Variants in KCNG1 observed in about 807,000 individuals in gnomAD.
KCNG1 encodes potassium voltage-gated channel modifier subfamily G member 1, also known as voltage-gated potassium channel regulatory subunit KCNG1.
In KCNG1, 17 loss-of-function variants were observed where a neutral mutation model predicts 32.4. The ratio of observed to expected loss-of-function variants is 0.52; its 90% CI spans 0.36 to 0.79. KCNG1 has a LOEUF of 0.79. KCNG1 is among the 30% of genes least tolerant of loss of function. The pLI is 0.00. For missense variants in KCNG1, 441 were observed against 735.2 expected, an observed-to-expected ratio of 0.60 and a Z score of 4.63; for synonymous variants, 358 against 339.9, an observed-to-expected ratio of 1.05 and a Z score of -0.59.
chr20:51,015,466 C>A lies in KCNG1; in HGVS notation c.-26-5102G>T, dbSNP rs7265842. ...TGCTGAGCTGATGGGTGTGTGTTTG[C>A]GGGGGGTGAGGGTGTCACCTGGCAG... is the stretch of plus-strand genomic sequence containing the variant. On this transcript the variant is annotated intron_variant, in intron 1 of 2. Transcript: ENST00000371571. The surrounding 1 kb of genome is among the most constrained non-coding windows in gnomAD (Gnocchi z 4.4). Among the ~76,000 whole-genome samples, 9,932 of 151,966 alleles carry A rather than the reference C, an allele frequency of 0.065. 619 individuals carry two copies. The highest frequency in any genetic ancestry group is 0.16 in the African/African-American group (6,744 of 41,402).
At chr20:51,021,295 C>T (rs1442536220) in intron 1 of KCNG1, among the ~76,000 whole-genome samples, 2 of 152,180 alleles carry the variant, frequency 1.3e-5, no homozygotes, top group Non-Finnish European at 2.9e-5. Context: ...ACACACCTTC[C>T]CTCCTTCCCC....
At chr20:51,011,697 C>T (rs910364022) in intron 1 of KCNG1, among the ~76,000 whole-genome samples, 2 of 152,158 alleles carry the variant, frequency 1.3e-5, no homozygotes, top group African/African-American at 2.4e-5. Flanking sequence ...GGTACAGCCA[C>T]GTGATTTGAT....
At chr20:51,021,653 G>C (rs1344263033) in intron 1 of KCNG1, among the ~76,000 whole-genome samples, 1 of 152,146 alleles carries the variant, frequency 6.6e-6, no homozygotes, top group Non-Finnish European at 1.5e-5. Flanking sequence ...GTCAGCAAAG[G>C]GGGTGGGGGC....
rs574008123 is a variant in KCNG1 at position 51,019,828 on chromosome 20, G to A, written c.-27+3042C>T. On this transcript the variant is annotated intron_variant, in intron 1 of 2. Transcript: ENST00000371571. ...GGGCTTCTGGCCGAGCCGACTCAGA[G>A]GCGGGTCAGGCTGCATTAATCCCCA... Among the ~76,000 whole-genome samples, 3 of 152,342 alleles carry A rather than the reference G, an allele frequency of 2.0e-5. No homozygotes were observed. The East Asian group carries it at 5.8e-4, about 29-fold the overall frequency.
chr20:51,012,475 C>CT (rs1297850754), intron 1 of KCNG1: 3 of 152,210 alleles, frequency 2.0e-5, no homozygotes, highest in African/African-American at 7.2e-5. Flanking sequence ...ACTGTAAAGC[C>CT]TCAAAGAGGT....
Position 51,009,774 on chromosome 20 carries a change from G to C in KCNG1, c.565C>G (p.Leu189Val). Residue 189 changes from leucine to valine, a missense_variant, in exon 2 of 3, where the codon CTG becomes GTG. Physicochemically the swap from Leu to Val is conservative, Grantham distance 32 (BLOSUM62 1). Coordinates refer to ENST00000371571, the MANE Select transcript of KCNG1 (RefSeq NM_002237.4). ...MVEREEEDDA[L>V]DSEGRDSEGP... ...TCGCTGTCGCGGCCCTCGCTGTCCA[G>C]CGCGTCGTCCTCTTCCTCCCGCTCC... The C allele has an allele frequency of 6.2e-7, 1 of 1,611,016 alleles. No individual in the cohort carries two copies. Among genetic ancestry groups the C allele is most frequent in the African/African-American group, 1.3e-5 (1 of 75,050 alleles).
intron 1 of KCNG1, among the ~76,000 whole-genome samples, chr20:51,014,879 GGACCTGGCAGAGGGAGTGGCAA>G (rs1238122343): frequency 1.6e-4 from 24 of 152,342 alleles, no homozygotes; most frequent in African/African-American, 5.8e-4. Flanking sequence ...AGCCCCGTGA[GGACCTGGCAGAGGGAGTGGCAA>G]GAATTTGCTC....
Position 51,010,030 on chromosome 20 carries a change from G to A in KCNG1, c.309C>T (p.Asn103=), listed in dbSNP as rs2123232827. 2 of 1,614,114 alleles carry A rather than the reference G, an allele frequency of 1.2e-6. No individual in the cohort carries two copies. The highest frequency in any genetic ancestry group is 1.7e-6 in the Non-Finnish European group (2 of 1,179,994). The part of the protein sequence containing the change: ...KACTNFDDIL[N]VCDDYDVTCN... ...AGGTGACGTCGTAGTCATCGCACAC[G>A]TTGAGGATGTCGTCGAAGTTGGTGC... The change falls in exon 2 of 3, where the codon AAC becomes AAT. Residue 103 remains asparagine (N), a synonymous_variant. Coordinates refer to ENST00000371571, the MANE Select transcript of KCNG1 (RefSeq NM_002237.4).
At chr20:51,016,805 TC>T (rs1988296876) in intron 1 of KCNG1, among the ~76,000 whole-genome samples, 1 of 152,130 alleles carries the variant, frequency 6.6e-6, no homozygotes, top group Non-Finnish European at 1.5e-5. Context: ...CCTCCCTGCT[TC>T]CCAAGAGAAT....
chr20:51,015,905 G>C lies in KCNG1; in HGVS notation c.-26-5541C>G, dbSNP rs1029150144. Among the ~76,000 whole-genome samples the C allele has an allele frequency of 6.6e-6, 1 of 152,210 alleles. No homozygotes were observed. Among genetic ancestry groups the C allele is most frequent in the African/African-American group, 2.4e-5 (1 of 41,452 alleles). ...CATGAGAATGACTCCACTGGCCACTGCTGGCTTTGAAGATGGAGGAAGGGG... is the reference window on the plus strand; with the variant it reads ...CATGAGAATGACTCCACTGGCCACTCCTGGCTTTGAAGATGGAGGAAGGGG... On this transcript the variant is annotated intron_variant, in intron 1 of 2. Transcript: ENST00000371571. The surrounding 1 kb of genome is among the most constrained non-coding windows in gnomAD (Gnocchi z 4.4).
chr20:51,013,319 C>CA (rs1988161556), intron 1 of KCNG1, among the ~76,000 whole-genome samples: 2 of 151,918 alleles, frequency 1.3e-5, no homozygotes, highest in Admixed American at 6.6e-5. Context: ...CAAAACAAAA[C>CA]AAAAAAACAA....
intron 1 of KCNG1, among the ~76,000 whole-genome samples, chr20:51,013,545 T>C (rs1988172000): frequency 6.6e-6 from 1 of 152,098 alleles, no homozygotes; most frequent in South Asian, 2.1e-4. Context: ...GGAGGGTGTT[T>C]CACACTTAAA....
chr20:51,015,841 GA>G lies in KCNG1; in HGVS notation c.-26-5478del, dbSNP rs1308562272. Among the ~76,000 whole-genome samples the G allele has an allele frequency of 6.6e-6, 1 of 152,156 alleles. No individual in the cohort carries two copies. On this transcript the variant is annotated intron_variant, in intron 1 of 2. Coordinates refer to ENST00000371571, the MANE Select transcript of KCNG1 (RefSeq NM_002237.4). This position sits in a 1 kb window ranked among gnomAD's most constrained non-coding sequence, Gnocchi z 4.4. ...GTAATCAACAGGGTCCTTATTTGTG[GA>G]AAAAGAAAGCAGGAGATGGAGCGGC...
In KCNG1 at chr20:51,004,031, C is replaced by A. The variant is rs1447276512; in HGVS notation, c.*8G>T. ...AGATGGCAGGCAGGGCAGGCGTGTC[C>A]TCCGCGCTCAGTTATTGTCTCTGGT... On this transcript the variant is annotated 3_prime_UTR_variant, in exon 3 of 3. Coordinates refer to ENST00000371571, the MANE Select transcript of KCNG1 (RefSeq NM_002237.4). This position sits in a 1 kb window ranked among gnomAD's most constrained non-coding sequence, Gnocchi z 4.3. 4 of 1,611,454 alleles carry A rather than the reference C, an allele frequency of 2.5e-6. No individual in the cohort carries two copies. Among genetic ancestry groups the A allele is most frequent in the Non-Finnish European group, 3.4e-6 (4 of 1,178,474 alleles).
chr20:51,020,939 A>G (rs1988458307), intron 1 of KCNG1, among the ~76,000 whole-genome samples: 1 of 152,186 alleles, frequency 6.6e-6, no homozygotes, highest in South Asian at 2.1e-4. Context: ...ATCAGGCTCC[A>G]GGACAAGCTT....
In KCNG1 at chr20:51,010,228, G is replaced by A. The variant is rs1263710861; in HGVS notation, c.111C>T (p.Gly37=). 1 of 1,561,318 alleles carries A rather than the reference G, an allele frequency of 6.4e-7. No homozygotes were observed. Among genetic ancestry groups the A allele is most frequent in the Non-Finnish European group, 8.6e-7 (1 of 1,159,610 alleles). The change falls in exon 2 of 3, where the codon GGC becomes GGT. Residue 37 remains glycine (G), a synonymous_variant. Transcript: ENST00000371571. ...AFLPQRQAIK[G]AFYRRAQRLR... ...GCCGCTGCGCCCGGCGGTAGAACGC[G>A]CCCTTGATGGCCTGGCGCTGCGGGA...
chr20:51,022,217 A>G (rs1988508925), intron 1 of KCNG1, among the ~76,000 whole-genome samples: 1 of 152,174 alleles, frequency 6.6e-6, no homozygotes, highest in African/African-American at 2.4e-5. Flanking sequence ...TCTTTGTCCA[A>G]TCTATGAATG....
In KCNG1 at chr20:51,018,777, C is replaced by T. The variant is rs532771556; in HGVS notation, c.-27+4093G>A. The stretch of plus-strand genomic sequence containing the variant: ...GTGAAAACTTATGTCTGGCAATAAG[C>T]GACAAAGCCAGAATTAAACTAGATC... On this transcript the variant is annotated intron_variant, in intron 1 of 2. Coordinates refer to ENST00000371571, the MANE Select transcript of KCNG1 (RefSeq NM_002237.4). Among the ~76,000 whole-genome samples the T allele has an allele frequency of 4.6e-5, 7 of 152,262 alleles. No homozygotes were observed. In the South Asian group the frequency reaches 6.2e-4, roughly 14 times the overall value.
chr20:51,006,358 G>C (rs185846570), intron 2 of KCNG1: 2 of 152,182 alleles, frequency 1.3e-5, no homozygotes, highest in African/African-American at 2.4e-5. Flanking sequence ...ATAAAATCAC[G>C]ATCAAAGATG....
Sources: allele counts gnomAD v4.1 joint callset (sites outside exome capture counted in the v4.1 genomes callset), GRCh38; gene constraint gnomAD v4.1.1; non-coding constraint Gnocchi (gnomAD v3.1); transcripts MANE v1.5; gene names NCBI Gene and HGNC (gene_info 2026-07-23, HGNC 2026-07-21).